Variants in PRKAG2 observed in about 807,000 individuals in gnomAD.
The protein encoded by PRKAG2 is protein kinase AMP-activated non-catalytic subunit gamma 2.
A neutral mutation model predicts 69.6 loss-of-function variants in PRKAG2; 26 were observed. That is an observed-to-expected ratio of 0.37 (90% CI 0.27 to 0.52). PRKAG2 has a LOEUF of 0.52. Ranked by LOEUF, PRKAG2 falls within the 20% of genes least tolerant of loss-of-function variation. The pLI, the probability that PRKAG2 is intolerant of heterozygous loss-of-function variation, is 0.90. For missense variants in PRKAG2, 557 were observed against 740.0 expected (o/e 0.75, Z 2.87); for synonymous variants, 293 against 285.0 (o/e 1.03, Z -0.28).
chr7:151,635,131 A>G (rs7803854), intron 4 of PRKAG2, among the ~76,000 whole-genome samples: 21,844 of 151,922 alleles, frequency 0.14, 1,928 homozygotes, highest in African/African-American at 0.23. Context: ...TTGTATTTTT[A>G]GTAGAGATGA....
intron 3 of PRKAG2, among the ~76,000 whole-genome samples, chr7:151,680,008 C>T (rs1162302031): frequency 2.0e-5 from 3 of 152,110 alleles, no homozygotes; most frequent in Non-Finnish European, 4.4e-5. Context: ...GCTAGGACTG[C>T]ACCACTGCAC....
intron 3 of PRKAG2, among the ~76,000 whole-genome samples, chr7:151,758,141 CTT>C (rs11337617): frequency 2.7e-5 from 4 of 148,020 alleles, no homozygotes; most frequent in South Asian, 2.1e-4. Flanking sequence ...ATTTTCAACT[CTT>C]TTTTTTTTTT....
At chr7:151,862,015 G>A (rs1300633708) in intron 1 of PRKAG2, among the ~76,000 whole-genome samples, 1 of 151,806 alleles carries the variant, frequency 6.6e-6, no homozygotes. Context: ...CCCCTCAGTG[G>A]ACGGATGCTC....
intron 5 of PRKAG2, among the ~76,000 whole-genome samples, chr7:151,599,135 G>A (rs1219399609): frequency 2.0e-5 from 3 of 152,144 alleles, no homozygotes; most frequent in Non-Finnish European, 2.9e-5. Flanking sequence ...TTACAGGTGT[G>A]AGCCACTGTG....
chr7:151,675,942 T>C (rs1207330562), intron 3 of PRKAG2, among the ~76,000 whole-genome samples: 4 of 152,124 alleles, frequency 2.6e-5, no homozygotes, highest in Non-Finnish European at 4.4e-5. Flanking sequence ...TCTCTTAGAA[T>C]CAGCTGTTTC....
chr7:151,695,848 C>G (rs147496800), intron 3 of PRKAG2, among the ~76,000 whole-genome samples: 70 of 152,264 alleles, frequency 4.6e-4, no homozygotes, highest in Non-Finnish European at 9.1e-4. Flanking sequence ...TTGAACTAAT[C>G]ACTCTTGGTG....
chr7:151,592,708 T>C (rs1813523811), intron 6 of PRKAG2, among the ~76,000 whole-genome samples: 2 of 152,234 alleles, frequency 1.3e-5, no homozygotes, highest in African/African-American at 4.8e-5. Flanking sequence ...AATATACTCT[T>C]GACAAACATT....
intron 3 of PRKAG2, among the ~76,000 whole-genome samples, chr7:151,680,331 A>G (rs1395043628): frequency 1.3e-5 from 2 of 152,160 alleles, no homozygotes; most frequent in African/African-American, 4.8e-5. Context: ...GGTTAGATAA[A>G]TCATGGCCCA....
At chr7:151,646,716 T>C (rs1003009950) in intron 4 of PRKAG2, among the ~76,000 whole-genome samples, 2 of 152,248 alleles carry the variant, frequency 1.3e-5, no homozygotes, top group Non-Finnish European at 2.9e-5. Context: ...AAATGTATCA[T>C]TTTAGTTATT....
chr7:151,633,385 A>G (rs1401961189), intron 4 of PRKAG2, among the ~76,000 whole-genome samples: 3 of 152,186 alleles, frequency 2.0e-5, no homozygotes, highest in Admixed American at 1.3e-4. Flanking sequence ...ATCCTATTCA[A>G]CATGGTTCTA....
chr7:151,777,710 C>T lies in PRKAG2; in HGVS notation c.466+3442G>A, dbSNP rs1041618115. Among the ~76,000 whole-genome samples, 4 of 152,334 alleles carry T rather than the reference C, an allele frequency of 2.6e-5. 1 individual carries two copies. The Middle Eastern group carries it at 0.01, about 389-fold the overall frequency. On this transcript the variant is annotated intron_variant, in intron 3 of 15. Transcript: ENST00000287878. This position sits in a 1 kb window ranked among gnomAD's most constrained non-coding sequence, Gnocchi z 4.3. ...CAGGCTGGCTGGCTTTGCTCATTAC[C>T]TGGGCGGAGGCCAAGCTAACAAAGG... is the stretch of plus-strand genomic sequence containing the variant.
chr7:151,707,278 C>T (rs1271239807), intron 3 of PRKAG2, among the ~76,000 whole-genome samples: 2 of 152,222 alleles, frequency 1.3e-5, no homozygotes, highest in Non-Finnish European at 2.9e-5. Context: ...ATTCATTCAA[C>T]AGGTGAGCAG....
rs186213160 is a variant in PRKAG2, at chr7:151,865,151, G to A, written c.114+11356C>T. On this transcript the variant is annotated intron_variant, in intron 1 of 15. Coordinates refer to ENST00000287878, the MANE Select transcript of PRKAG2 (RefSeq NM_016203.4). ...TCCCTCCATCCCTTGAGTCTCAGCC[G>A]TGTGACTTGCCATGGCCAAGGGGCC... Among the ~76,000 whole-genome samples the A allele has an allele frequency of 3.9e-5, 6 of 152,310 alleles. No homozygotes were observed. In the East Asian group the frequency reaches 5.8e-4, roughly 15 times the overall value.
intron 3 of PRKAG2, among the ~76,000 whole-genome samples, chr7:151,704,003 A>C (rs576166891): frequency 1.3e-5 from 2 of 152,058 alleles, no homozygotes; most frequent in South Asian, 4.2e-4. Flanking sequence ...CGGAGGTTGC[A>C]GTGAGCCGAG....
At chr7:151,855,586 A>ACCACCCTCCACACACG (rs2079751226) in intron 1 of PRKAG2, among the ~76,000 whole-genome samples, 4 of 119,094 alleles carry the variant, frequency 3.4e-5, no homozygotes, top group Non-Finnish European at 5.6e-5. Flanking sequence ...CTACACACAC[A>ACCACCCTCCACACACG]CCACCCTCCA....
chr7:151,754,564 C>T (rs568944521), intron 3 of PRKAG2, among the ~76,000 whole-genome samples: 8 of 152,292 alleles, frequency 5.3e-5, no homozygotes, highest in Middle Eastern at 3.4e-3. Flanking sequence ...TCTTTTTTGT[C>T]GGGTACAGGG....
intron 3 of PRKAG2, among the ~76,000 whole-genome samples, chr7:151,686,091 G>A (rs541275082): frequency 1.3e-5 from 2 of 152,214 alleles, no homozygotes; most frequent in African/African-American, 4.8e-5. Flanking sequence ...GAGCCACAGA[G>A]ACAGTTAGGA....
intron 1 of PRKAG2, among the ~76,000 whole-genome samples, chr7:151,795,449 G>A (rs925615002): frequency 2.0e-5 from 3 of 152,180 alleles, no homozygotes; most frequent in Non-Finnish European, 4.4e-5. Context: ...CAGCCAGGGG[G>A]CAGGGGAGGG....
At chr7:151,779,136 A>C (rs763113952) in intron 3 of PRKAG2, among the ~76,000 whole-genome samples, 2 of 152,250 alleles carry the variant, frequency 1.3e-5, no homozygotes, top group Non-Finnish European at 2.9e-5. Context: ...TCTAAACATA[A>C]ATAACAATGA....
Sources: gnomAD v4.1 joint callset for allele counts (sites outside exome capture counted in the v4.1 genomes callset) on GRCh38, gnomAD v4.1.1 for gene constraint, Gnocchi (gnomAD v3.1) non-coding constraint, MANE v1.5 for transcripts, NCBI Gene and HGNC (gene_info 2026-07-23, HGNC 2026-07-21) for gene names.